Variants in FRA10AC1 observed in about 807,000 individuals in gnomAD.
FRA10AC1 encodes protein FRA10AC1.
Under a neutral mutation model 56.5 loss-of-function variants are expected in FRA10AC1, and 43 were observed. The ratio of observed to expected loss-of-function variants is 0.76; its 90% confidence interval spans 0.60 to 0.98. The LOEUF is 0.98. FRA10AC1 is among the 50% of genes least tolerant of loss of function. The pLI is 0.00. For missense variants in FRA10AC1, 346 were observed against 351.8 expected, an observed-to-expected ratio of 0.98 and a Z score of 0.13; for synonymous variants, 112 against 110.5, an observed-to-expected ratio of 1.01 and a Z score of -0.09.
chr10:93,681,623 A>C, intron 10 of FRA10AC1, 25 bp from the exon 11 acceptor site: 1 of 1,465,116 alleles, frequency 6.8e-7, no homozygotes, highest in Non-Finnish European at 9.0e-7. Context: ...ATATAAAATT[A>C]AAGTTAACTT....
intron 2 of FRA10AC1, among the ~76,000 whole-genome samples, 158 bp from the exon 3 acceptor site, chr10:93,698,554 C>A (rs151210044): frequency 0.019 from 2,728 of 146,932 alleles, 33 homozygotes; most frequent in Middle Eastern, 0.06. Flanking sequence ...CCTTAAATAG[C>A]TTAATTAATA....
intron 13 of FRA10AC1, 27 bp downstream of exon 13, chr10:93,670,743 A>T: frequency 7.2e-7 from 1 of 1,398,042 alleles, no homozygotes; most frequent in Non-Finnish European, 1.0e-6. Context: ...GAAAAGGTAC[A>T]TATTCTCTAT....
intron 11 of FRA10AC1, among the ~76,000 whole-genome samples, 194 bp downstream of exon 11, chr10:93,681,279 ATTAACCC>A (rs2058929516): frequency 6.6e-6 from 1 of 152,158 alleles, no homozygotes; most frequent in South Asian, 2.1e-4. Context: ...ATGAACTAAA[ATTAACCC>A]TTAATTAATT....
At chr10:93,675,856 A>G (rs190196434) in intron 12 of FRA10AC1, among the ~76,000 whole-genome samples, 10 of 152,372 alleles carry the variant, frequency 6.6e-5, no homozygotes, top group Admixed American at 6.5e-4. Flanking sequence ...TCTTTAAAAA[A>G]TTCAACATTA....
intron 11 of FRA10AC1, among the ~76,000 whole-genome samples, chr10:93,677,789 G>C (rs1351756950): frequency 6.6e-6 from 1 of 152,200 alleles, no homozygotes; most frequent in Admixed American, 6.5e-5. Context: ...AAGGGTCTGA[G>C]ATTGTGAGTT....
At position 93,698,331 on chromosome 10, in the gene FRA10AC1, TGG is replaced by T. The variant is rs762348541; in HGVS notation, c.141_142del (p.His48Ter). 14 of 1,611,898 alleles carry T rather than the reference TGG, an allele frequency of 8.7e-6. No homozygotes were observed. The highest frequency in any genetic ancestry group is 4.0e-5 in the African/African-American group (3 of 74,918). Reference sequence around the variant, plus strand: ...CAGCAATTCTGCTGCAACTTGTTTATGGGCCACCTTTCCATGTTTTTCTTTCT... The same window carrying T: ...CAGCAATTCTGCTGCAACTTGTTTATGCCACCTTTCCATGTTTTTCTTTCT... On this transcript the variant is annotated frameshift_variant, in exon 3 of 14. Transcript: ENST00000359204. LOFTEE classifies it high-confidence loss of function.
chr10:93,692,823 A>C, intron 5 of FRA10AC1, 94 bp from the exon 6 acceptor site: 1 of 628,274 alleles, frequency 1.6e-6, no homozygotes, highest in Non-Finnish European at 2.7e-6. Flanking sequence ...TTTATTAAAA[A>C]TATAATACAT....
At position 93,695,006 on chromosome 10, in the gene FRA10AC1, G is replaced by C. The variant is rs1392322759; in HGVS notation, c.220-69C>G. ...TTGGTGTCATAATATATTGCTGATT[G>C]GTGGTAAAAAAAAGCACAATATGAG... On this transcript the variant is annotated intron_variant, in intron 4 of 13. Transcript: ENST00000359204. 5.0e-6 allele frequency: 4 copies of C among 807,820 alleles called. 1 individual carries two copies. Among genetic ancestry groups the C allele is most frequent in the Admixed American group, 2.2e-5 (1 of 44,602 alleles). 50.0% of individuals were successfully genotyped at this position (807,820 alleles called of 1,614,324 possible).
chr10:93,699,133 T>G (rs558737659), intron 2 of FRA10AC1, among the ~76,000 whole-genome samples: 1 of 152,322 alleles, frequency 6.6e-6, no homozygotes, highest in South Asian at 2.1e-4. Flanking sequence ...AATATAATCC[T>G]GGAGCAGAGT....
chr10:93,677,054 C>G (rs2058854288), intron 11 of FRA10AC1, among the ~76,000 whole-genome samples: 1 of 152,084 alleles, frequency 6.6e-6, no homozygotes, highest in Admixed American at 6.5e-5. Context: ...AAGCAGTTTA[C>G]AAATAAATAC....
intron 12 of FRA10AC1, chr10:93,673,262 G>A (rs2058793949): frequency 2.2e-6 from 1 of 453,752 alleles, no homozygotes; most frequent in Non-Finnish European, 4.4e-6. Context: ...CTCCTACATA[G>A]TAGCAGCCTT....
chr10:93,693,291 A>C (rs2133931716), intron 5 of FRA10AC1, among the ~76,000 whole-genome samples: 1 of 150,142 alleles, frequency 6.7e-6, no homozygotes, highest in East Asian at 2.0e-4. Flanking sequence ...GGGGTAAATG[A>C]GGTGGTACTA....
intron 12 of FRA10AC1, chr10:93,673,490 T>G (rs769337765): frequency 1.6e-5 from 6 of 381,996 alleles, no homozygotes; most frequent in Middle Eastern, 3.7e-4. Flanking sequence ...CAATTTTTCC[T>G]ACATGTTTTG....
intron 12 of FRA10AC1, chr10:93,671,077 A>C: frequency 2.4e-6 from 1 of 425,172 alleles, no homozygotes; most frequent in Non-Finnish European, 4.3e-6. Flanking sequence ...AGTCTCATCG[A>C]AACTTCTCTA....
chr10:93,674,951 C>G (rs1442037295), intron 12 of FRA10AC1: 3 of 152,080 alleles, frequency 2.0e-5, no homozygotes, highest in African/African-American at 7.2e-5. Flanking sequence ...ATGATTTCAT[C>G]CTGAGATAAC....
chr10:93,688,270 A>G (rs2059064921), intron 7 of FRA10AC1, among the ~76,000 whole-genome samples: 1 of 152,190 alleles, frequency 6.6e-6, no homozygotes, highest in African/African-American at 2.4e-5. Context: ...GACTACATAT[A>G]TATGATTTCA....
intron 11 of FRA10AC1, among the ~76,000 whole-genome samples, chr10:93,678,838 C>T (rs2058885634): frequency 7.7e-6 from 1 of 130,390 alleles, no homozygotes; most frequent in Non-Finnish European, 1.7e-5. Context: ...GGTGACAGAA[C>T]AAGACCCTGT....
chr10:93,673,489 C>T, intron 12 of FRA10AC1: 1 of 381,566 alleles, frequency 2.6e-6, no homozygotes, highest in South Asian at 2.1e-5. Flanking sequence ...ACAATTTTTC[C>T]TACATGTTTT....
At chr10:93,671,579 A>C (rs1389360240) in intron 12 of FRA10AC1, 1 of 162,020 alleles carries the variant, frequency 6.2e-6, no homozygotes, top group Non-Finnish European at 1.3e-5. Flanking sequence ...AAAAAACCTA[A>C]TTCCCCACCA....
Sources: allele counts gnomAD v4.1 joint callset (sites outside exome capture counted in the v4.1 genomes callset), GRCh38; gene constraint gnomAD v4.1.1; transcripts MANE v1.5; gene names NCBI Gene and HGNC (gene_info 2026-07-23, HGNC 2026-07-21).